MGA: variants seen among roughly 807,000 people sequenced by gnomAD.
MGA encodes MAX dimerization protein MGA, also known as MAX gene-associated protein.
Under a neutral mutation model 261.1 loss-of-function variants are expected in MGA, and 40 were observed. That is an observed-to-expected ratio of 0.15 (90% CI 0.12 to 0.20). The LOEUF (loss-of-function observed/expected upper bound fraction) is 0.20. MGA is among the 10% of genes least tolerant of loss of function. The pLI, the probability that MGA is intolerant of heterozygous loss-of-function variation, is 1.00. For missense variants in MGA, 3,397 were observed against 3,630.5 expected (o/e 0.94, Z 1.65); for synonymous variants, 1,302 against 1,290.6 (o/e 1.01, Z -0.19).
At chr15:41,624,669 C>T (rs1273712245) in intron 1 of MGA, among the ~76,000 whole-genome samples, 1 of 151,896 alleles carries the variant, frequency 6.6e-6, no homozygotes, top group Non-Finnish European at 1.5e-5. Flanking sequence ...GGGGTTTCAC[C>T]ATGTTGGCCA....
chr15:41,740,103 G>A lies in MGA; in HGVS notation c.4485G>A (p.Leu1495=). The change falls in exon 14 of 24, where the codon TTG becomes TTA. Residue 1495 remains leucine, a synonymous_variant. Coordinates refer to ENST00000219905, the MANE Select transcript of MGA (RefSeq NM_001164273.2). ...CATCCAGGAAACCACGTACCCTGTT[G>A]CCTTCAACATCCAATTCCAAAATGG... The A allele has an allele frequency of 6.2e-7, 1 of 1,613,994 alleles. No individual in the cohort carries two copies. Among genetic ancestry groups the A allele is most frequent in the South Asian group, 1.1e-5 (1 of 91,080 alleles).
At chr15:41,744,574 A>G (rs1445253127) in intron 15 of MGA, among the ~76,000 whole-genome samples, 2 of 152,176 alleles carry the variant, frequency 1.3e-5, no homozygotes, top group Non-Finnish European at 2.9e-5. Context: ...AATCTGATAC[A>G]TACTTTTGGG....
At chr15:41,741,953 G>A (rs1190734120) in intron 14 of MGA, among the ~76,000 whole-genome samples, 1 of 151,618 alleles carries the variant, frequency 6.6e-6, no homozygotes, top group Non-Finnish European at 1.5e-5. Context: ...CTCGTGATCT[G>A]CCCACCTCGG....
rs1183177835 is a variant in MGA, at chr15:41,742,894, C to A, written c.4934C>A (p.Thr1645Asn). 1 of 1,613,984 alleles carries A rather than the reference C, an allele frequency of 6.2e-7. No homozygotes were observed. Among genetic ancestry groups the A allele is most frequent in the African/African-American group, 1.3e-5 (1 of 75,036 alleles). ...GTTGTTGAGGTCTCTGAAACTAATA[C>A]CAGCACCTCTGTAACATCTACCCAG... Residue 1645 changes from threonine (T) to asparagine (N), a missense_variant, in exon 15 of 24, where the codon ACC (threonine) becomes AAC (asparagine). Physicochemically the swap from Thr to Asn is moderately conservative, Grantham distance 65. This residue lies in a region of MGA where 1,410 missense variants were observed against 1,386.4 expected (regional missense o/e 1.02). Transcript: ENST00000219905.
chr15:41,676,934 C>T (rs2058417809), intron 2 of MGA, among the ~76,000 whole-genome samples: 1 of 152,134 alleles, frequency 6.6e-6, no homozygotes, highest in Admixed American at 6.5e-5. Flanking sequence ...AGCTGCTTTC[C>T]CCCCCAAAAT....
At chr15:41,628,504 G>C (rs780021925) in intron 1 of MGA, among the ~76,000 whole-genome samples, 29 of 152,124 alleles carry the variant, frequency 1.9e-4, no homozygotes, top group Non-Finnish European at 3.5e-4. Context: ...AACACGACCT[G>C]AATGATAAAG....
chr15:41,628,948 G>A (rs1229771656), intron 1 of MGA, among the ~76,000 whole-genome samples: 3 of 152,066 alleles, frequency 2.0e-5, no homozygotes, highest in Admixed American at 6.6e-5. Flanking sequence ...GACCATCCTG[G>A]CTAACATGGT....
intron 1 of MGA, among the ~76,000 whole-genome samples, chr15:41,633,740 A>G (rs1374263350): frequency 1.3e-5 from 2 of 152,138 alleles, no homozygotes; most frequent in African/African-American, 4.8e-5. Context: ...TATTCTTAAT[A>G]TGGCAGCAGA....
chr15:41,743,057 C>T lies in MGA; in HGVS notation c.5097C>T (p.Val1699=), dbSNP rs761795705. 20 of 1,613,868 alleles carry T rather than the reference C, an allele frequency of 1.2e-5. No homozygotes were observed. Among genetic ancestry groups the T allele is most frequent in the African/African-American group, 1.2e-4 (9 of 74,924 alleles). ...CTTCCACTGCTTCCACCTCCTTAGT[C>T]GTGGTGACTGCAGCTGCATCTTCCT... The change falls in exon 15 of 24, where the codon GTC becomes GTT. Residue 1699 remains valine (V), a synonymous_variant. Coordinates refer to ENST00000219905, the MANE Select transcript of MGA (RefSeq NM_001164273.2).
chr15:41,722,122 ATTTTT>A (rs35690314), intron 9 of MGA, among the ~76,000 whole-genome samples: 5 of 87,690 alleles, frequency 5.7e-5, no homozygotes, highest in African/African-American at 1.9e-4. Flanking sequence ...AAGTAGGCCA[ATTTTT>A]TTTTTTTTTT....
rs751786501 is a variant in MGA, at chr15:41,748,778, A to G, written c.5354A>G (p.His1785Arg). The stretch of plus-strand genomic sequence containing the variant: ...GTCTCAAACACACAACTTCAGGGAC[A>G]TCGGATGGTCTTGCAGCCTGTTAGG... Residue 1785 changes from histidine to arginine, a missense_variant, in exon 16 of 24, where the codon CAT (histidine) becomes CGT (arginine). Around this residue, in one of 9 missense-constraint regions of MGA, gnomAD observed 1,410 missense variants for 1,386.4 expected, o/e 1.02. Transcript: ENST00000219905. 2 of 1,613,844 alleles carry G rather than the reference A, an allele frequency of 1.2e-6. No individual in the cohort carries two copies. The highest frequency in any genetic ancestry group is 2.7e-5 in the African/African-American group (2 of 74,900).
chr15:41,763,515 G>T (rs985027101), intron 22 of MGA, among the ~76,000 whole-genome samples: 2 of 151,598 alleles, frequency 1.3e-5, no homozygotes, highest in African/African-American at 4.8e-5. Flanking sequence ...AGGCTGAGGC[G>T]GGCAGATCAC....
chr15:41,697,053 G>T, intron 3 of MGA, 30 bp downstream of exon 3: 2 of 1,454,092 alleles, frequency 1.4e-6, no homozygotes, highest in Non-Finnish European at 1.8e-6. Flanking sequence ...GATTCTTTAA[G>T]GCTAATTAGT....
chr15:41,656,373 T>TCCCCCTCTCCCC, upstream of MGA, among the ~76,000 whole-genome samples: 1 of 136,662 alleles, frequency 7.3e-6, no homozygotes, highest in Non-Finnish European at 1.6e-5. Context: ...TCTCTCTCTC[T>TCCCCCTCTCCCC]CTCTCACACC....
intron 23 of MGA, 22 bp downstream of exon 23, chr15:41,765,084 C>T (rs200498683): frequency 6.3e-5 from 101 of 1,611,918 alleles, no homozygotes; most frequent in Admixed American, 1.7e-5. Flanking sequence ...GTGTTGTCCT[C>T]TATGGGAAGT....
intron 2 of MGA, among the ~76,000 whole-genome samples, chr15:41,674,700 A>G (rs1274334734): frequency 1.3e-5 from 2 of 151,950 alleles, no homozygotes; most frequent in African/African-American, 4.8e-5. Flanking sequence ...TTGTATTTTT[A>G]GTAGAGACGG....
In MGA at chr15:41,736,417, GAGA is replaced by G; in HGVS notation, c.4158_4160del (p.Lys1386del). Reference sequence around the variant, plus strand: ...GGCTTCTCAGCGAAAGAGCCGGGGTGAGAAGAACCCTCCTGTTTATTCTTCTCG... The same window carrying G: ...GGCTTCTCAGCGAAAGAGCCGGGGTGAGAACCCTCCTGTTTATTCTTCTCG... On this transcript the variant is annotated inframe_deletion, in exon 13 of 24. Transcript: ENST00000219905. The G allele has an allele frequency of 1.2e-6, 2 of 1,614,036 alleles. No individual in the cohort carries two copies.
intron 1 of MGA, among the ~76,000 whole-genome samples, chr15:41,654,372 C>CT (rs1392720221): frequency 2.0e-5 from 3 of 151,988 alleles, no homozygotes; most frequent in South Asian, 2.1e-4. Flanking sequence ...TGAAAATGAT[C>CT]TTTTTTTAAA....
intron 5 of MGA, among the ~76,000 whole-genome samples, chr15:41,706,650 G>A (rs572203867): frequency 5.6e-5 from 8 of 142,858 alleles, no homozygotes; most frequent in African/African-American, 2.1e-4. Context: ...GCATCATCTC[G>A]GCTCCTTGCA....
Sources: gnomAD v4.1 joint callset for allele counts (sites outside exome capture counted in the v4.1 genomes callset) on GRCh38, gnomAD v4.1.1 for gene constraint, gnomAD v4.1.1 regional missense constraint, MANE v1.5 for transcripts, NCBI Gene and HGNC (gene_info 2026-07-23, HGNC 2026-07-21) for gene names.